GABRB2: variants seen among roughly 807,000 people sequenced by gnomAD.
GABRB2 encodes gamma-aminobutyric acid type A receptor subunit beta2.
Under a neutral mutation model 54.7 loss-of-function variants are expected in GABRB2, and 16 were observed. That is an observed-to-expected ratio of 0.29 (90% CI 0.20 to 0.44). The LOEUF (loss-of-function observed/expected upper bound fraction) is 0.44. Ranked by LOEUF, GABRB2 falls within the 20% of genes least tolerant of loss-of-function variation. The pLI is 1.00. For synonymous variants in GABRB2, 244 were observed against 233.8 expected (o/e 1.04, Z -0.40); for missense variants, 355 against 644.0 (o/e 0.55, Z 4.86).
intron 5 of GABRB2, among the ~76,000 whole-genome samples, chr5:161,345,010 C>A (rs1561616160): frequency 6.6e-6 from 1 of 151,902 alleles, no homozygotes; most frequent in South Asian, 2.1e-4. Context: ...CACATGGACA[C>A]AGGGAAGGGA....
At chr5:161,337,581 C>T (rs1055370869) in intron 5 of GABRB2, among the ~76,000 whole-genome samples, 1 of 152,016 alleles carries the variant, frequency 6.6e-6, no homozygotes, top group African/African-American at 2.4e-5. Flanking sequence ...GTCTATATAA[C>T]AAAGACATAT....
At chr5:161,499,330 G>A (rs1320632350) in intron 3 of GABRB2, among the ~76,000 whole-genome samples, 1 of 152,080 alleles carries the variant, frequency 6.6e-6, no homozygotes, top group East Asian at 1.9e-4. Context: ...AGCAAACATG[G>A]GAACAGCAAA....
chr5:161,344,939 C>T (rs562464499), intron 5 of GABRB2, among the ~76,000 whole-genome samples: 4 of 152,172 alleles, frequency 2.6e-5, no homozygotes, highest in African/African-American at 9.6e-5. Context: ...CAAACTAACA[C>T]AGGAACAGAA....
chr5:161,501,443 G>T lies in GABRB2; in HGVS notation c.238-41599C>A, dbSNP rs78633583. ...GTATTCTTTTGAGTGCTTTATTTTTGAAGTTGTTAACTATGCTACTATGCT... is the reference window on the plus strand; with the variant it reads ...GTATTCTTTTGAGTGCTTTATTTTTTAAGTTGTTAACTATGCTACTATGCT... On this transcript the variant is annotated intron_variant, in intron 3 of 9. Transcript: ENST00000393959. Among the ~76,000 whole-genome samples, 870 of 152,136 alleles carry T rather than the reference G, an allele frequency of 5.7e-3. 8 individuals are homozygous for T. The highest frequency in any genetic ancestry group is 0.02 in the African/African-American group (813 of 41,534).
intron 5 of GABRB2, among the ~76,000 whole-genome samples, chr5:161,355,705 T>C (rs1469154849): frequency 6.6e-6 from 1 of 151,910 alleles, no homozygotes; most frequent in Non-Finnish European, 1.5e-5. Context: ...GATTAGTAAC[T>C]GATAAAAAAA....
intron 5 of GABRB2, among the ~76,000 whole-genome samples, chr5:161,395,294 A>C (rs929464977): frequency 1.3e-5 from 2 of 152,136 alleles, no homozygotes; most frequent in African/African-American, 4.8e-5. Context: ...TTGAAGAGCT[A>C]GTGATGACCT....
chr5:161,536,048 CT>C (rs570568562), intron 3 of GABRB2, among the ~76,000 whole-genome samples: 7 of 152,140 alleles, frequency 4.6e-5, no homozygotes, highest in Non-Finnish European at 1.0e-4. Context: ...TGATGAGGAC[CT>C]CACCAGATGC....
chr5:161,338,093 A>G (rs2617504), intron 5 of GABRB2, among the ~76,000 whole-genome samples: 12,405 of 152,280 alleles, frequency 0.081, 607 homozygotes, highest in Middle Eastern at 0.12. Flanking sequence ...AGGGAGTTCA[A>G]TCTTTAAAAT....
rs112935405 is a variant in GABRB2, at chr5:161,520,955, A to G, written c.237+24272T>C. 6.8e-3 allele frequency among the ~76,000 whole-genome samples: 1,040 copies of G among 152,142 alleles called. 13 individuals are homozygous for G. Among genetic ancestry groups the G allele is most frequent in the African/African-American group, 0.023 (971 of 41,550 alleles). The stretch of plus-strand genomic sequence containing the variant: ...TGACTCACAAAACAGGGATAAAATA[A>G]TACTTATTGATTTTTATGCTGTCTG... On this transcript the variant is annotated intron_variant, in intron 3 of 9. Coordinates refer to ENST00000393959, the MANE Select transcript of GABRB2 (RefSeq NM_001371727.1).
At chr5:161,531,768 A>G (rs543314668) in intron 3 of GABRB2, among the ~76,000 whole-genome samples, 2 of 152,188 alleles carry the variant, frequency 1.3e-5, no homozygotes, top group Admixed American at 6.5e-5. Context: ...CAGGGTGAAT[A>G]TGAGATGAAA....
chr5:161,373,919 C>CTTTAT (rs147829012), intron 5 of GABRB2, among the ~76,000 whole-genome samples: 6,933 of 151,730 alleles, frequency 0.046, 220 homozygotes, highest in East Asian at 0.17. Flanking sequence ...TTCTCGTCTT[C>CTTTAT]TTTATTTTAT....
At chr5:161,491,008 T>C (rs922086725) in intron 3 of GABRB2, among the ~76,000 whole-genome samples, 2 of 151,694 alleles carry the variant, frequency 1.3e-5, no homozygotes, top group African/African-American at 4.8e-5. Context: ...TCCTTGTTTG[T>C]AAAACTTTCT....
At chr5:161,462,026 G>A (rs1758131943) in intron 3 of GABRB2, among the ~76,000 whole-genome samples, 1 of 152,046 alleles carries the variant, frequency 6.6e-6, no homozygotes, top group Non-Finnish European at 1.5e-5. Context: ...TGGGAACAAC[G>A]TAACTCGTTG....
At chr5:161,529,487 C>T (rs1320444523) in intron 3 of GABRB2, among the ~76,000 whole-genome samples, 3 of 151,934 alleles carry the variant, frequency 2.0e-5, no homozygotes. Context: ...CTAGCTGTAG[C>T]ATAGGAGGTT....
At chr5:161,389,307 C>T (rs183844916) in intron 5 of GABRB2, among the ~76,000 whole-genome samples, 16 of 151,982 alleles carry the variant, frequency 1.1e-4, no homozygotes, top group African/African-American at 2.7e-4. Flanking sequence ...TTGTTTACCC[C>T]GTGGAAACTA....
At chr5:161,483,013 C>T (rs985679099) in intron 3 of GABRB2, among the ~76,000 whole-genome samples, 6 of 151,968 alleles carry the variant, frequency 3.9e-5, no homozygotes, top group East Asian at 1.9e-4. Flanking sequence ...ATATTACATG[C>T]ATTCTGTATT....
chr5:161,478,309 A>G (rs999806546), intron 3 of GABRB2, among the ~76,000 whole-genome samples: 2 of 152,024 alleles, frequency 1.3e-5, no homozygotes, highest in African/African-American at 4.8e-5. Context: ...TTTAAACCTC[A>G]CCTTGAATTA....
At chr5:161,356,992 C>T (rs1754651143) in intron 5 of GABRB2, among the ~76,000 whole-genome samples, 1 of 152,182 alleles carries the variant, frequency 6.6e-6, no homozygotes, top group Non-Finnish European at 1.5e-5. Flanking sequence ...ACAAAAACCA[C>T]AGATTAAAAA....
intron 3 of GABRB2, among the ~76,000 whole-genome samples, chr5:161,516,172 T>G (rs1243159102): frequency 6.6e-6 from 1 of 152,194 alleles, no homozygotes; most frequent in East Asian, 1.9e-4. Flanking sequence ...CTAAATAAAT[T>G]AAAGACTTTT....
Sources: gnomAD v4.1 joint callset for allele counts (sites outside exome capture counted in the v4.1 genomes callset) on GRCh38, gnomAD v4.1.1 for gene constraint, MANE v1.5 for transcripts, NCBI Gene and HGNC (gene_info 2026-07-23, HGNC 2026-07-21) for gene names.